The following PAPPA2 variants were observed in gnomAD, a reference collection of about 807,000 sequenced individuals.
The protein encoded by PAPPA2 is pappalysin-2.
A neutral mutation model predicts 176.4 loss-of-function variants in PAPPA2; 86 were observed. That is an observed-to-expected ratio of 0.49 (90% CI 0.41 to 0.58). The LOEUF (loss-of-function observed/expected upper bound fraction) is 0.58, where lower values mean the gene tolerates loss of function less well. Ranked by LOEUF, PAPPA2 falls within the 20% of genes least tolerant of loss-of-function variation. PAPPA2 has a pLI of 0.00. For synonymous variants in PAPPA2, 809 were observed against 852.2 expected (o/e 0.95, Z 0.88); for missense variants, 2,073 against 2,256.9 (o/e 0.92, Z 1.65).
chr1:176,497,182 T>G (rs1647678992), intron 1 of PAPPA2, among the ~76,000 whole-genome samples: 1 of 152,214 alleles, frequency 6.6e-6, no homozygotes, highest in African/African-American at 2.4e-5. Flanking sequence ...ACGTGTTATC[T>G]TCTACTTCTT....
chr1:176,732,034 T>G (rs1426239952), intron 12 of PAPPA2, among the ~76,000 whole-genome samples: 2 of 152,090 alleles, frequency 1.3e-5, no homozygotes, highest in Non-Finnish European at 2.9e-5. Flanking sequence ...ATATAATTAG[T>G]CAGATGCTAA....
Position 176,468,675 on chromosome 1 carries a change from A to G in PAPPA2, c.-917+5257A>G, listed in dbSNP as rs1008476594. ...CCTCATCTTTCATGTGAAGGCACACATTGATTTTAAAAGCTGCTAGTCATT... is the reference window on the plus strand; with the variant it reads ...CCTCATCTTTCATGTGAAGGCACACGTTGATTTTAAAAGCTGCTAGTCATT... On this transcript the variant is annotated intron_variant, in intron 1 of 22. Transcript: ENST00000367662. 3.9e-5 allele frequency among the ~76,000 whole-genome samples: 6 copies of G among 152,058 alleles called. 1 individual carries two copies. Among genetic ancestry groups the G allele is most frequent in the Non-Finnish European group, 7.4e-5 (5 of 68,000 alleles).
Position 176,765,868 on chromosome 1 carries a change from A to G in PAPPA2, c.4323+31A>G, listed in dbSNP as rs1295142755. Reference sequence around the variant, plus strand: ...TTGAAAGAACACTATCACCAGGACCAAGTTCCTGGGAAGGGGAGGTATTCA... The same window carrying G: ...TTGAAAGAACACTATCACCAGGACCGAGTTCCTGGGAAGGGGAGGTATTCA... On this transcript the variant is annotated intron_variant, in intron 15 of 22. Transcript: ENST00000367662. 3.1e-6 allele frequency: 5 copies of G among 1,606,346 alleles called. No homozygotes were observed. In the African/African-American group the frequency reaches 5.4e-5, roughly 17 times the overall value.
intron 1 of PAPPA2, among the ~76,000 whole-genome samples, chr1:176,493,128 A>G (rs1449725922): frequency 6.6e-6 from 1 of 152,194 alleles, no homozygotes; most frequent in African/African-American, 2.4e-5. Context: ...TCCTACTGCA[A>G]TGTGATTATG....
intron 1 of PAPPA2, among the ~76,000 whole-genome samples, chr1:176,486,282 T>A (rs1652641522): frequency 6.6e-6 from 1 of 152,242 alleles, no homozygotes; most frequent in South Asian, 2.1e-4. Context: ...ATCTCCTTCA[T>A]GGGTGCTCAA....
chr1:176,484,996 T>C (rs1444197996), intron 1 of PAPPA2, among the ~76,000 whole-genome samples: 1 of 152,188 alleles, frequency 6.6e-6, no homozygotes, highest in African/African-American at 2.4e-5. Context: ...TAAGGGGCAA[T>C]GGTTTGCTCT....
chr1:176,597,538 C>A (rs548282426), intron 3 of PAPPA2, among the ~76,000 whole-genome samples: 1 of 151,958 alleles, frequency 6.6e-6, no homozygotes, highest in East Asian at 1.9e-4. Context: ...CTGTCATGGG[C>A]TGGGGGGCTA....
intron 2 of PAPPA2, among the ~76,000 whole-genome samples, chr1:176,590,062 G>A (rs1653563623): frequency 6.6e-6 from 1 of 152,192 alleles, no homozygotes; most frequent in Non-Finnish European, 1.5e-5. Context: ...GACACATTTT[G>A]TTCACAGGTA....
intron 2 of PAPPA2, 46 bp from the exon 3 acceptor site, chr1:176,594,478 T>G (rs781506008): frequency 6.7e-7 from 1 of 1,496,032 alleles, no homozygotes; most frequent in Non-Finnish European, 9.2e-7. Flanking sequence ...CATTCCCCTT[T>G]GTATCTGGTA....
chr1:176,741,480 G>T (rs1274370408), intron 14 of PAPPA2, among the ~76,000 whole-genome samples: 1 of 152,180 alleles, frequency 6.6e-6, no homozygotes, highest in Non-Finnish European at 1.5e-5. Flanking sequence ...GTGAACACGT[G>T]AGAGACTACC....
intron 3 of PAPPA2, among the ~76,000 whole-genome samples, chr1:176,617,797 G>A (rs1461983932): frequency 1.3e-5 from 2 of 152,126 alleles, no homozygotes; most frequent in African/African-American, 4.8e-5. Flanking sequence ...CTTTTTTGGG[G>A]TAGGTACCCA....
At chr1:176,682,902 GC>G (rs1433335839) in intron 4 of PAPPA2, among the ~76,000 whole-genome samples, 1 of 151,990 alleles carries the variant, frequency 6.6e-6, no homozygotes, top group Non-Finnish European at 1.5e-5. Flanking sequence ...ATGCAGACCA[GC>G]CCTCAACCTC....
At position 176,791,482 on chromosome 1, in the gene PAPPA2, G is replaced by T. The variant is rs1665176792; in HGVS notation, c.5020G>T (p.Gly1674Cys). 6.2e-7 allele frequency: 1 copy of T among 1,612,998 alleles called. No individual in the cohort carries two copies. Among genetic ancestry groups the T allele is most frequent in the African/African-American group, 1.3e-5 (1 of 74,840 alleles). ...CAAATGTGAACAAGGATATGGGATT[G>T]GTAAGGATAGGAGTGAATCTTAAAG... ...EYKCEQGYGI[G>C]AVCSPLCVIP... Residue 1674 changes from glycine to cysteine, a missense_variant and splice_region_variant, in exon 19 of 23, where the codon GGT (glycine) becomes TGT (cysteine). Physicochemically the swap from Gly to Cys is radical, Grantham distance 159 (BLOSUM62 -3). Transcript: ENST00000367662.
intron 17 of PAPPA2, among the ~76,000 whole-genome samples, chr1:176,773,553 G>A (rs888373815): frequency 6.6e-6 from 1 of 152,160 alleles, no homozygotes; most frequent in African/African-American, 2.4e-5. Flanking sequence ...TTTGAAACTT[G>A]CTGGGCATGA....
At chr1:176,716,434 TG>T (rs879836102) in intron 12 of PAPPA2, among the ~76,000 whole-genome samples, 1 of 149,374 alleles carries the variant, frequency 6.7e-6, no homozygotes, top group Non-Finnish European at 1.5e-5. Context: ...TTAGTAGAGA[TG>T]GGGTTTCACC....
chr1:176,475,646 A>G (rs760876800), intron 1 of PAPPA2, among the ~76,000 whole-genome samples: 11 of 152,272 alleles, frequency 7.2e-5, no homozygotes, highest in Non-Finnish European at 1.2e-4. Flanking sequence ...GACAGGTTAA[A>G]TAATTGAAAA....
chr1:176,466,367 A>T (rs956245792), intron 1 of PAPPA2, among the ~76,000 whole-genome samples: 1 of 152,128 alleles, frequency 6.6e-6, no homozygotes, highest in Non-Finnish European at 1.5e-5. Context: ...TAATGATAAA[A>T]TTTCAAGCAC....
At chr1:176,660,057 C>G (rs1332865604) in intron 3 of PAPPA2, among the ~76,000 whole-genome samples, 1 of 152,110 alleles carries the variant, frequency 6.6e-6, no homozygotes. Flanking sequence ...CTATTCTTCA[C>G]ATGGCATGGT....
intron 20 of PAPPA2, among the ~76,000 whole-genome samples, chr1:176,795,263 G>T (rs926465948): frequency 2.0e-5 from 3 of 151,830 alleles, no homozygotes; most frequent in African/African-American, 7.3e-5. Context: ...CTGTACTACT[G>T]CTGAGGGTGG....
Sources: allele counts gnomAD v4.1 joint callset (sites outside exome capture counted in the v4.1 genomes callset), GRCh38; gene constraint gnomAD v4.1.1; transcripts MANE v1.5; gene names NCBI Gene and HGNC (gene_info 2026-07-23, HGNC 2026-07-21).